FGF1: variants seen among roughly 807,000 people sequenced by gnomAD.
The protein encoded by FGF1 is beta-endothelial cell growth factor.
Under a neutral mutation model 13.4 loss-of-function variants are expected in FGF1, and 9 were observed. That is an observed-to-expected ratio of 0.67 (90% CI 0.40 to 1.17). FGF1 has a LOEUF of 1.17. Ranked by LOEUF, FGF1 falls within the 50% of genes most tolerant of loss-of-function variation. FGF1 has a pLI of 0.01. For missense variants in FGF1, 156 were observed against 192.7 expected, an observed-to-expected ratio of 0.81 and a Z score of 1.13; for synonymous variants, 93 against 79.0, an observed-to-expected ratio of 1.18 and a Z score of -0.94.
chr5:142,664,425 CA>C (rs1769897795), intron 1 of FGF1, among the ~76,000 whole-genome samples: 1 of 152,174 alleles, frequency 6.6e-6, no homozygotes, highest in Non-Finnish European at 1.5e-5. Context: ...AGTGGTGATA[CA>C]AAAGGGCTGT....
At chr5:142,624,108 C>T (rs568543534) in intron 1 of FGF1, among the ~76,000 whole-genome samples, 21 of 152,082 alleles carry the variant, frequency 1.4e-4, no homozygotes, top group Admixed American at 4.6e-4. Flanking sequence ...TTAGTAGAGA[C>T]GGGGTTTCAC....
intron 1 of FGF1, among the ~76,000 whole-genome samples, chr5:142,669,849 G>T (rs112482842): frequency 1.1e-4 from 17 of 152,108 alleles, no homozygotes; most frequent in African/African-American, 3.9e-4. Flanking sequence ...CCACCCTGGG[G>T]GTCACTCCAC....
At chr5:142,614,280 T>C (rs1759730905) in intron 1 of FGF1, 119 bp from the exon 2 acceptor site, 4 of 732,146 alleles carry the variant, frequency 5.5e-6, no homozygotes, top group Non-Finnish European at 6.7e-6. Flanking sequence ...AAGCACAGCC[T>C]GCCCAGGTGA....
intron 1 of FGF1, among the ~76,000 whole-genome samples, chr5:142,629,302 C>T (rs565840104): frequency 2.0e-5 from 3 of 152,198 alleles, no homozygotes; most frequent in Non-Finnish European, 2.9e-5. Flanking sequence ...ACTACAGGCA[C>T]GCACCACCAC....
chr5:142,598,903 G>A (rs565785940), intron 3 of FGF1, among the ~76,000 whole-genome samples: 153 of 152,244 alleles, frequency 1.0e-3, no homozygotes, highest in Non-Finnish European at 9.7e-4. Flanking sequence ...TACAATAAAC[G>A]TCAAAATTTA....
intron 1 of FGF1, among the ~76,000 whole-genome samples, chr5:142,623,115 T>A (rs1202647007): frequency 6.6e-6 from 1 of 152,248 alleles, no homozygotes; most frequent in African/African-American, 2.4e-5. Context: ...CTCCTTTTTT[T>A]TCCCCTCTGA....
Position 142,593,229 on chromosome 5 carries a change from G to C in FGF1, c.*2061C>G, listed in dbSNP as rs1158839346. On this transcript the variant is annotated 3_prime_UTR_variant, in exon 4 of 4. Transcript: ENST00000337706. ...ATAATTATCTTAGATTTCCTCTCTG[G>C]GTATCTTTTTCTGGCCAAATCTTCA... is the stretch of plus-strand genomic sequence containing the variant. 1 of 151,904 alleles carries C rather than the reference G, an allele frequency of 6.6e-6. No individual in the cohort carries two copies. The highest frequency in any genetic ancestry group is 2.4e-5 in the African/African-American group (1 of 41,332). 9.4% of individuals were successfully genotyped at this position (151,904 alleles called of 1,614,324 possible).
chr5:142,625,403 T>C (rs1193569914), intron 1 of FGF1, among the ~76,000 whole-genome samples: 1 of 152,094 alleles, frequency 6.6e-6, no homozygotes, highest in African/African-American at 2.4e-5. Context: ...GTTTTTTCCC[T>C]GCAGTCTGGC....
At chr5:142,631,468 C>T (rs910212452) in intron 1 of FGF1, among the ~76,000 whole-genome samples, 2 of 152,212 alleles carry the variant, frequency 1.3e-5, no homozygotes, top group Non-Finnish European at 2.9e-5. Context: ...CCTCTCTTTC[C>T]AATCACTTTC....
At chr5:142,632,270 G>A (rs2151929658) in intron 1 of FGF1, among the ~76,000 whole-genome samples, 1 of 152,296 alleles carries the variant, frequency 6.6e-6, no homozygotes, top group East Asian at 1.9e-4. Context: ...TAGGGAAGTT[G>A]AAAACATAAT....
chr5:142,597,055 C>T (rs3853484), intron 3 of FGF1, among the ~76,000 whole-genome samples: 122 of 152,240 alleles, frequency 8.0e-4, no homozygotes, highest in Admixed American at 4.3e-3. Context: ...CATATGTTAG[C>T]TATCCTATGT....
In FGF1 at chr5:142,616,269, T is replaced by C. The variant is rs564619424; in HGVS notation, c.-34-2108A>G. Among the ~76,000 whole-genome samples the C allele has an allele frequency of 1.4e-4, 22 of 152,300 alleles. No homozygotes were observed. The South Asian group carries it at 4.4e-3, about 30-fold the overall frequency. ...CTGGCATTTTAATGTTTCTGGTACA[T>C]TTTTCCCACTCTGCCACCACATGGG... On this transcript the variant is annotated intron_variant, in intron 1 of 3. Coordinates refer to ENST00000337706, the MANE Select transcript of FGF1 (RefSeq NM_000800.5).
chr5:142,607,957 C>T (rs1482071633), intron 2 of FGF1, among the ~76,000 whole-genome samples: 1 of 152,154 alleles, frequency 6.6e-6, no homozygotes, highest in East Asian at 1.9e-4. Flanking sequence ...CCTCTGCTCC[C>T]CAAAGCCTTC....
intron 1 of FGF1, among the ~76,000 whole-genome samples, chr5:142,667,324 C>T (rs1393205181): frequency 7.3e-5 from 11 of 151,418 alleles, no homozygotes; most frequent in African/African-American, 1.9e-4. Context: ...CGGTGGCTCA[C>T]GCCTGTAATC....
chr5:142,600,726 G>A lies in FGF1; in HGVS notation c.249C>T (p.Asp83=). The A allele has an allele frequency of 6.2e-7, 1 of 1,613,318 alleles. No homozygotes were observed. Among genetic ancestry groups the A allele is most frequent in the Non-Finnish European group, 8.5e-7 (1 of 1,179,306 alleles). The change falls in exon 3 of 4, where the codon GAC becomes GAT. Residue 83 remains aspartate, a synonymous_variant. Coordinates refer to ENST00000337706, the MANE Select transcript of FGF1 (RefSeq NM_000800.5). ...STETGQYLAM[D]TDGLLYGSQT... ...CTGAGCCGTATAAAAGCCCGTCGGT[G>A]TCCATGGCCAAGTACTGGCCAGTCT...
At chr5:142,596,549 T>A (rs963586096) in intron 3 of FGF1, among the ~76,000 whole-genome samples, 6 of 148,664 alleles carry the variant, frequency 4.0e-5, no homozygotes, top group African/African-American at 1.2e-4. Context: ...TTGAGGCCAG[T>A]CTGGGCAACA....
chr5:142,646,933 C>T (rs531368034), intron 1 of FGF1, among the ~76,000 whole-genome samples: 11 of 152,272 alleles, frequency 7.2e-5, no homozygotes, highest in African/African-American at 2.2e-4. Flanking sequence ...ATAAATCAAT[C>T]GGAGTTGAAG....
chr5:142,655,018 T>G (rs1213327476), intron 1 of FGF1, among the ~76,000 whole-genome samples: 1 of 152,194 alleles, frequency 6.6e-6, no homozygotes, highest in African/African-American at 2.4e-5. Flanking sequence ...AAACAGTCAG[T>G]TCTTTGGAAA....
chr5:142,686,327 C>T (rs1241426328), upstream of FGF1: 1 of 152,716 alleles, frequency 6.5e-6, no homozygotes, highest in African/African-American at 2.4e-5. Context: ...CAGGGATGCA[C>T]ACAGCTCTAA....
Sources: gnomAD v4.1 joint callset for allele counts (sites outside exome capture counted in the v4.1 genomes callset) on GRCh38, gnomAD v4.1.1 for gene constraint, MANE v1.5 for transcripts, NCBI Gene and HGNC (gene_info 2026-07-23, HGNC 2026-07-21) for gene names.